The following CCDC85A variants were observed in gnomAD, a reference collection of about 807,000 sequenced individuals.
The protein encoded by CCDC85A is coiled-coil domain-containing protein 85A.
CCDC85A carries 38 observed loss-of-function variants against 50.2 expected under a neutral mutation model. The observed-to-expected ratio is 0.76, with a 90% CI of 0.58 to 0.99. The LOEUF (loss-of-function observed/expected upper bound fraction) is 0.99. Among genes scored for constraint, CCDC85A ranks in the 50% least tolerant of loss-of-function variants. CCDC85A has a pLI of 0.00. For synonymous variants in CCDC85A, 366 were observed against 301.4 expected (o/e 1.21, Z -2.22); for missense variants, 820 against 742.0 (o/e 1.11, Z -1.22).
At chr2:56,303,696 T>C (rs1005370121) in intron 2 of CCDC85A, among the ~76,000 whole-genome samples, 2 of 152,232 alleles carry the variant, frequency 1.3e-5, no homozygotes, top group African/African-American at 4.8e-5. Flanking sequence ...GATGAGAAAC[T>C]ACCAGATACT....
At chr2:56,288,842 T>A (rs1671570687) in intron 2 of CCDC85A, among the ~76,000 whole-genome samples, 1 of 152,216 alleles carries the variant, frequency 6.6e-6, no homozygotes, top group Non-Finnish European at 1.5e-5. Context: ...TAATTTGGTG[T>A]CTACATTAAT....
chr2:56,189,657 G>A (rs939408827), intron 1 of CCDC85A, among the ~76,000 whole-genome samples: 1 of 152,110 alleles, frequency 6.6e-6, no homozygotes, highest in South Asian at 2.1e-4. Context: ...ACTGTGTGAT[G>A]CTGAGGTTTT....
intron 2 of CCDC85A, among the ~76,000 whole-genome samples, chr2:56,342,002 A>G (rs1398540727): frequency 6.6e-6 from 1 of 150,556 alleles, no homozygotes; most frequent in Admixed American, 6.6e-5. Context: ...TTTTTTTTTA[A>G]TGTAGCTTTG....
chr2:56,241,869 G>A (rs1669272326), intron 2 of CCDC85A, among the ~76,000 whole-genome samples: 1 of 152,140 alleles, frequency 6.6e-6, no homozygotes, highest in African/African-American at 2.4e-5. Flanking sequence ...GGATCATAAG[G>A]TAGCTCTATT....
chr2:56,297,949 C>T (rs747150326), intron 2 of CCDC85A, among the ~76,000 whole-genome samples: 2 of 152,150 alleles, frequency 1.3e-5, no homozygotes, highest in African/African-American at 2.4e-5. Context: ...ACACCATGAT[C>T]TGCCATCAAC....
intron 3 of CCDC85A, among the ~76,000 whole-genome samples, chr2:56,356,218 C>T (rs889431789): frequency 6.6e-6 from 1 of 152,116 alleles, no homozygotes; most frequent in Non-Finnish European, 1.5e-5. Context: ...GTATTGAGTG[C>T]CAAAAGTTAA....
rs1054139827 is a variant in CCDC85A, at chr2:56,385,869, A to G, written c.*1514A>G. On this transcript the variant is annotated 3_prime_UTR_variant, in exon 6 of 6. Coordinates refer to ENST00000407595, the MANE Select transcript of CCDC85A (RefSeq NM_001080433.2). ...GTTACAATTTAAGCTCCCCTTTTAA[A>G]TGTTATATTTTAAAATGTTATTACT... is the stretch of plus-strand genomic sequence containing the variant. 3 of 151,794 alleles carry G rather than the reference A, an allele frequency of 2.0e-5. No individual in the cohort carries two copies. Among genetic ancestry groups the G allele is most frequent in the Admixed American group, 6.6e-5 (1 of 15,174 alleles). The allele number at this position is 151,794 out of a possible 1,614,324, so 9.4% of individuals were successfully genotyped here.
At chr2:56,302,037 C>T (rs986250738) in intron 2 of CCDC85A, among the ~76,000 whole-genome samples, 3 of 152,098 alleles carry the variant, frequency 2.0e-5, no homozygotes. Context: ...AGGTGTATCA[C>T]TTGAGGTCAG....
chr2:56,197,915 A>G (rs1187193113), intron 2 of CCDC85A, among the ~76,000 whole-genome samples: 1 of 152,242 alleles, frequency 6.6e-6, no homozygotes. Context: ...ATCCAGATAG[A>G]AAAAGAAGCA....
intron 2 of CCDC85A, among the ~76,000 whole-genome samples, chr2:56,263,845 A>G (rs1254177071): frequency 2.0e-5 from 3 of 152,164 alleles, no homozygotes; most frequent in Admixed American, 2.0e-4. Context: ...ACACTGGGTT[A>G]CCTGGGGTTT....
chr2:56,236,374 C>T (rs887422502), intron 2 of CCDC85A, among the ~76,000 whole-genome samples: 16 of 152,000 alleles, frequency 1.1e-4, no homozygotes, highest in African/African-American at 1.9e-4. Flanking sequence ...TTGAGGCAGC[C>T]GGGAGAATGG....
intron 2 of CCDC85A, among the ~76,000 whole-genome samples, chr2:56,315,832 G>C (rs574912658): frequency 6.6e-6 from 1 of 152,264 alleles, no homozygotes; most frequent in South Asian, 2.1e-4. Context: ...TCTGCTGTGT[G>C]CTAGGCAGTG....
intron 2 of CCDC85A, among the ~76,000 whole-genome samples, chr2:56,262,978 T>C (rs1157978639): frequency 1.3e-5 from 2 of 152,208 alleles, no homozygotes; most frequent in African/African-American, 4.8e-5. Context: ...GAACATTTTT[T>C]TTTTCAAGAC....
chr2:56,369,245 A>G (rs1277178561), intron 3 of CCDC85A, among the ~76,000 whole-genome samples: 2 of 152,172 alleles, frequency 1.3e-5, no homozygotes, highest in African/African-American at 4.8e-5. Flanking sequence ...ATTTACATAT[A>G]TAGCTCATTG....
chr2:56,360,388 C>T (rs369144119), intron 3 of CCDC85A, among the ~76,000 whole-genome samples: 2 of 152,088 alleles, frequency 1.3e-5, no homozygotes, highest in African/African-American at 2.4e-5. Context: ...TAATGGAGCT[C>T]ATTAGTCTTT....
At chr2:56,295,994 G>A (rs1573198702) in intron 2 of CCDC85A, among the ~76,000 whole-genome samples, 2 of 152,250 alleles carry the variant, frequency 1.3e-5, no homozygotes, top group African/African-American at 2.4e-5. Context: ...TTACATATGC[G>A]ATAAAGAGAA....
chr2:56,306,476 G>A (rs1335626485), intron 2 of CCDC85A, among the ~76,000 whole-genome samples: 1 of 152,078 alleles, frequency 6.6e-6, no homozygotes, highest in African/African-American at 2.4e-5. Context: ...GAAAATGCTT[G>A]ATAGAAATAT....
At chr2:56,193,643 T>G (rs1558577663) in intron 2 of CCDC85A, among the ~76,000 whole-genome samples, 1 of 152,042 alleles carries the variant, frequency 6.6e-6, no homozygotes, top group Non-Finnish European at 1.5e-5. Flanking sequence ...TATCAGTCAG[T>G]GTGAAGAAGT....
At chr2:56,343,749 A>G (rs2104325916) in intron 3 of CCDC85A, among the ~76,000 whole-genome samples, 1 of 152,312 alleles carries the variant, frequency 6.6e-6, no homozygotes, top group African/African-American at 2.4e-5. Flanking sequence ...TTCTTTCTAC[A>G]TTCTGGTAAT....
Sources: gnomAD v4.1 joint callset for allele counts (sites outside exome capture counted in the v4.1 genomes callset) on GRCh38, gnomAD v4.1.1 for gene constraint, MANE v1.5 for transcripts, NCBI Gene and HGNC (gene_info 2026-07-23, HGNC 2026-07-21) for gene names.